The following GOLPH3L variants were observed in gnomAD, a reference collection of about 807,000 sequenced individuals.
GOLPH3L encodes the protein Golgi phosphoprotein 3-like.
A neutral mutation model predicts 30.3 loss-of-function variants in GOLPH3L; 22 were observed. That is an observed-to-expected ratio of 0.73 (90% CI 0.52 to 1.04). The LOEUF (loss-of-function observed/expected upper bound fraction) is 1.04. GOLPH3L is among the 50% of genes least tolerant of loss of function. The pLI, the probability that GOLPH3L is intolerant of heterozygous loss-of-function variation, is 0.00. For synonymous variants in GOLPH3L, 120 were observed against 128.2 expected, an observed-to-expected ratio of 0.94 and a Z score of 0.43; for missense variants, 303 against 345.8, an observed-to-expected ratio of 0.88 and a Z score of 0.98.
chr1:150,672,434 T>C (rs1479246373), intron 2 of GOLPH3L, among the ~76,000 whole-genome samples: 1 of 152,168 alleles, frequency 6.6e-6, no homozygotes, highest in Non-Finnish European at 1.5e-5. Flanking sequence ...ATTTTATGTA[T>C]GTATGTATGT....
intron 4 of GOLPH3L, among the ~76,000 whole-genome samples, chr1:150,655,714 C>G (rs908780970): frequency 2.6e-5 from 4 of 152,124 alleles, no homozygotes; most frequent in African/African-American, 9.7e-5. Flanking sequence ...AATTAGAAAA[C>G]GGACACAGCT....
At chr1:150,658,587 T>C (rs112989904) in intron 4 of GOLPH3L, among the ~76,000 whole-genome samples, 2 of 152,216 alleles carry the variant, frequency 1.3e-5, no homozygotes, top group South Asian at 2.1e-4. Flanking sequence ...GAAGATTGCA[T>C]TGCAGAACAG....
At chr1:150,662,157 G>A (rs1650382844) in intron 3 of GOLPH3L, among the ~76,000 whole-genome samples, 5 of 152,070 alleles carry the variant, frequency 3.3e-5, no homozygotes, top group Admixed American at 3.3e-4. Flanking sequence ...AATGATAATG[G>A]AGAAAAGTTT....
chr1:150,695,871 G>C (rs752036183), intron 1 of GOLPH3L, among the ~76,000 whole-genome samples: 1 of 151,936 alleles, frequency 6.6e-6, no homozygotes, highest in Non-Finnish European at 1.5e-5. Flanking sequence ...ACTGGCAAGA[G>C]AGTGTTGAAA....
intron 2 of GOLPH3L, among the ~76,000 whole-genome samples, chr1:150,682,977 A>G (rs1332529109): frequency 6.6e-6 from 1 of 152,118 alleles, no homozygotes; most frequent in Non-Finnish European, 1.5e-5. Context: ...GTACTTACAT[A>G]CTGTGTCTAG....
intron 2 of GOLPH3L, among the ~76,000 whole-genome samples, chr1:150,681,328 C>T (rs1005004324): frequency 1.3e-5 from 2 of 151,982 alleles, no homozygotes; most frequent in African/African-American, 4.8e-5. Context: ...GCGCTTTTAT[C>T]CACTGCTGAT....
At position 150,656,603 on chromosome 1, in the gene GOLPH3L, A is replaced by G. The variant is rs886197342; in HGVS notation, c.430+5211T>C. On this transcript the variant is annotated intron_variant, in intron 4 of 4. Coordinates refer to ENST00000271732, the MANE Select transcript of GOLPH3L (RefSeq NM_018178.6). ...ACTGGTGTTATTGTCCAAGAGCAGGACTTAGTAGAATGGCTTTTTCTTTCA... is the reference window on the plus strand; with the variant it reads ...ACTGGTGTTATTGTCCAAGAGCAGGGCTTAGTAGAATGGCTTTTTCTTTCA... 5.9e-5 allele frequency among the ~76,000 whole-genome samples: 9 copies of G among 152,296 alleles called. No individual in the cohort carries two copies. The East Asian group carries it at 1.5e-3, about 26-fold the overall frequency.
intron 2 of GOLPH3L, among the ~76,000 whole-genome samples, chr1:150,664,228 T>G (rs1451419766): frequency 6.6e-6 from 1 of 152,064 alleles, no homozygotes; most frequent in Non-Finnish European, 1.5e-5. Context: ...GGTCTCGAAC[T>G]CCTGGCCTCA....
At chr1:150,658,561 G>C (rs1650299325) in intron 4 of GOLPH3L, among the ~76,000 whole-genome samples, 1 of 152,178 alleles carries the variant, frequency 6.6e-6, no homozygotes, top group South Asian at 2.1e-4. Flanking sequence ...CAGAGAAAAT[G>C]AACGTACTTG....
intron 2 of GOLPH3L, among the ~76,000 whole-genome samples, chr1:150,692,241 A>C (rs1412676483): frequency 6.6e-6 from 1 of 152,212 alleles, no homozygotes; most frequent in African/African-American, 2.4e-5. Context: ...TACTATTTAA[A>C]TAAATCACAA....
At chr1:150,683,699 C>CA (rs397981524) in intron 2 of GOLPH3L, among the ~76,000 whole-genome samples, 851 of 14,956 alleles carry the variant, frequency 0.057, 253 homozygotes, top group East Asian at 0.089. Flanking sequence ...GACTCTCTCT[C>CA]AAAAAAAAAA....
intron 4 of GOLPH3L, among the ~76,000 whole-genome samples, chr1:150,657,400 G>A (rs920361636): frequency 9.2e-5 from 14 of 152,220 alleles, no homozygotes; most frequent in African/African-American, 2.9e-4. Flanking sequence ...ATTATCTAGC[G>A]ATGCCCAACT....
At chr1:150,683,460 C>CG (rs1651008268) in intron 2 of GOLPH3L, among the ~76,000 whole-genome samples, 2 of 142,160 alleles carry the variant, frequency 1.4e-5, no homozygotes, top group Non-Finnish European at 3.0e-5. Flanking sequence ...GGCGTGAACC[C>CG]GGGAGGCGGA....
chr1:150,688,454 A>G (rs1651140740), intron 2 of GOLPH3L, among the ~76,000 whole-genome samples: 1 of 152,154 alleles, frequency 6.6e-6, no homozygotes, highest in African/African-American at 2.4e-5. Flanking sequence ...ATTCCAGTTA[A>G]GAGTTATTAC....
intron 2 of GOLPH3L, among the ~76,000 whole-genome samples, chr1:150,693,832 TATATATATATA>T (rs1557791389): frequency 2.0e-5 from 2 of 102,128 alleles, no homozygotes; most frequent in South Asian, 2.9e-4. Flanking sequence ...TATATATATA[TATATATATATA>T]TATATTTTTT....
At chr1:150,676,667 ACT>A (rs1435368608) in intron 2 of GOLPH3L, among the ~76,000 whole-genome samples, 1 of 129,074 alleles carries the variant, frequency 7.7e-6, no homozygotes, top group Non-Finnish European at 1.6e-5. Flanking sequence ...ATGGAGTTTC[ACT>A]CTGTCACCCA....
At chr1:150,676,517 A>G (rs966778186) in intron 2 of GOLPH3L, among the ~76,000 whole-genome samples, 1 of 152,092 alleles carries the variant, frequency 6.6e-6, no homozygotes, top group Non-Finnish European at 1.5e-5. Flanking sequence ...ACAACCCAAT[A>G]AGAACTCCAG....
chr1:150,685,291 G>A (rs970588082), intron 2 of GOLPH3L, among the ~76,000 whole-genome samples: 24 of 152,278 alleles, frequency 1.6e-4, no homozygotes, highest in African/African-American at 5.8e-4. Flanking sequence ...TTTTCCAGGA[G>A]TGAGCTTTGC....
chr1:150,649,949 T>C (rs1650068408), intron 4 of GOLPH3L, among the ~76,000 whole-genome samples: 1 of 151,972 alleles, frequency 6.6e-6, no homozygotes, highest in South Asian at 2.1e-4. Context: ...ATTGTACCAC[T>C]GCACTCCAGC....
Sources: allele counts gnomAD v4.1 joint callset (sites outside exome capture counted in the v4.1 genomes callset), GRCh38; gene constraint gnomAD v4.1.1; transcripts MANE v1.5; gene names NCBI Gene and HGNC (gene_info 2026-07-23, HGNC 2026-07-21).